Variants in SPOCK3 observed in about 807,000 individuals in gnomAD.
SPOCK3 encodes the protein testican-3.
Under a neutral mutation model 56.6 loss-of-function variants are expected in SPOCK3, and 30 were observed. The observed-to-expected ratio is 0.53, with a 90% CI of 0.40 to 0.72. The LOEUF (loss-of-function observed/expected upper bound fraction) is 0.72, where lower values mean the gene tolerates loss of function less well. Among genes scored for constraint, SPOCK3 ranks in the 30% least tolerant of loss-of-function variants. The pLI is 0.00. For synonymous variants in SPOCK3, 196 were observed against 183.3 expected (o/e 1.07, Z -0.56); for missense variants, 527 against 530.0 (o/e 0.99, Z 0.06).
chr4:166,870,667 A>C (rs1205500935), intron 6 of SPOCK3, among the ~76,000 whole-genome samples: 1 of 152,108 alleles, frequency 6.6e-6, no homozygotes, highest in African/African-American at 2.4e-5. Context: ...TGAAAATACA[A>C]CTCATAAAAA....
chr4:167,196,935 T>C (rs1010373101), intron 2 of SPOCK3, among the ~76,000 whole-genome samples: 1 of 152,162 alleles, frequency 6.6e-6, no homozygotes, highest in Admixed American at 6.6e-5. Context: ...ATTTTTGCCA[T>C]ATAACATTAT....
intron 2 of SPOCK3, among the ~76,000 whole-genome samples, chr4:167,139,951 A>T (rs996010508): frequency 6.6e-6 from 1 of 151,894 alleles, no homozygotes; most frequent in Non-Finnish European, 1.5e-5. Flanking sequence ...ACCAAGAAGT[A>T]GGCAGCCCCT....
intron 3 of SPOCK3, among the ~76,000 whole-genome samples, chr4:167,033,947 C>T (rs7668212): frequency 0.36 from 54,940 of 151,812 alleles, 12,316 homozygotes; most frequent in African/African-American, 0.64. Flanking sequence ...TTTTACTAAG[C>T]AAATTAGCAA....
Position 166,766,142 on chromosome 4 carries a change from A to T in SPOCK3, c.710-11413T>A, listed in dbSNP as rs187786777. Among the ~76,000 whole-genome samples the T allele has an allele frequency of 4.5e-3, 679 of 152,288 alleles. 4 individuals are homozygous for T. Among genetic ancestry groups the T allele is most frequent in the African/African-American group, 0.016 (644 of 41,544 alleles). On this transcript the variant is annotated intron_variant, in intron 7 of 10. Transcript: ENST00000357545. ...ATCATGTCATCTGCAAACAGGGACA[A>T]TTTGACTTCCTATTTTCCTAATTGA...
intron 2 of SPOCK3, among the ~76,000 whole-genome samples, chr4:167,125,877 T>C (rs1762236173): frequency 6.6e-6 from 1 of 152,152 alleles, no homozygotes; most frequent in Non-Finnish European, 1.5e-5. Flanking sequence ...TTTCATGTTC[T>C]AAGATGATCC....
chr4:167,205,429 TA>T (rs1316510964), intron 2 of SPOCK3, among the ~76,000 whole-genome samples: 1 of 49,830 alleles, frequency 2.0e-5, no homozygotes, highest in Non-Finnish European at 3.4e-5. Flanking sequence ...ATATAATATA[TA>T]ATATATAATA....
chr4:167,038,923 T>G (rs1753004825), intron 3 of SPOCK3, among the ~76,000 whole-genome samples: 1 of 152,278 alleles, frequency 6.6e-6, no homozygotes, highest in South Asian at 2.1e-4. Flanking sequence ...ATTATTTTAA[T>G]AAGATTAATT....
At position 167,189,474 on chromosome 4, in the gene SPOCK3, ATTT is replaced by A. The variant is rs546629790; in HGVS notation, c.189+44508_189+44510del. ...TTCATCAGTCCAAAAAAAATTTATT[ATTT>A]TTTTCCAGCTTTATTGAGGTACAAT... On this transcript the variant is annotated intron_variant, in intron 2 of 10. Transcript: ENST00000357545. 2.1e-4 allele frequency among the ~76,000 whole-genome samples: 31 copies of A among 145,634 alleles called. 2 individuals carry two copies. The highest frequency in any genetic ancestry group is 6.9e-3 in the Middle Eastern group (2 of 288).
intron 3 of SPOCK3, among the ~76,000 whole-genome samples, chr4:167,003,876 G>A (rs1022550555): frequency 5.9e-5 from 9 of 152,032 alleles, no homozygotes; most frequent in African/African-American, 2.2e-4. Context: ...CATTACATTC[G>A]CAGTGTAGGA....
At chr4:166,869,473 A>G (rs1030867553) in intron 6 of SPOCK3, among the ~76,000 whole-genome samples, 17 of 152,192 alleles carry the variant, frequency 1.1e-4, no homozygotes, top group African/African-American at 2.9e-4. Context: ...AACATCTACA[A>G]TATTTATATG....
chr4:166,785,714 C>T (rs1406846387), intron 7 of SPOCK3, among the ~76,000 whole-genome samples: 1 of 152,006 alleles, frequency 6.6e-6, no homozygotes, highest in Non-Finnish European at 1.5e-5. Flanking sequence ...AATATCTTTC[C>T]ATTTAAATTT....
intron 2 of SPOCK3, among the ~76,000 whole-genome samples, chr4:167,087,186 A>T (rs1336960452): frequency 6.6e-6 from 1 of 152,274 alleles, no homozygotes; most frequent in Non-Finnish European, 1.5e-5. Flanking sequence ...TCATAACTCT[A>T]TGAGGTACAG....
At chr4:166,971,411 C>A (rs896178433) in intron 4 of SPOCK3, among the ~76,000 whole-genome samples, 1 of 150,922 alleles carries the variant, frequency 6.6e-6, no homozygotes, top group African/African-American at 2.4e-5. Flanking sequence ...TAAGAGGATT[C>A]GAAGATTACT....
At chr4:166,938,284 G>A (rs999848722) in intron 4 of SPOCK3, among the ~76,000 whole-genome samples, 8 of 152,140 alleles carry the variant, frequency 5.3e-5, no homozygotes, top group South Asian at 2.1e-4. Context: ...TGTAAAAACC[G>A]CTTGGGAAGA....
In SPOCK3 at chr4:166,817,933, CT is replaced by C. The variant is rs550345048; in HGVS notation, c.590-25645del. Among the ~76,000 whole-genome samples, 363 of 152,018 alleles carry C rather than the reference CT, an allele frequency of 2.4e-3. 2 individuals are homozygous for C. Among genetic ancestry groups the C allele is most frequent in the Non-Finnish European group, 4.0e-3 (272 of 67,956 alleles). Reference sequence around the variant, plus strand: ...AATGTGTCTGGTCTTGTTCTTAACTCTTTAAAATTACCAACTTTTAAAAATA... The same window carrying C: ...AATGTGTCTGGTCTTGTTCTTAACTCTTAAAATTACCAACTTTTAAAAATA... On this transcript the variant is annotated intron_variant, in intron 6 of 10. Coordinates refer to ENST00000357545, the MANE Select transcript of SPOCK3 (RefSeq NM_001040159.2).
chr4:166,783,409 T>G (rs1740394984), intron 7 of SPOCK3, among the ~76,000 whole-genome samples: 1 of 152,058 alleles, frequency 6.6e-6, no homozygotes, highest in Non-Finnish European at 1.5e-5. Context: ...CTGCTAACAT[T>G]TTCTACCTCA....
At chr4:166,929,311 A>G (rs1187242197) in intron 4 of SPOCK3, among the ~76,000 whole-genome samples, 2 of 152,224 alleles carry the variant, frequency 1.3e-5, no homozygotes, top group Non-Finnish European at 2.9e-5. Flanking sequence ...TTCCCACTGC[A>G]GAAGTGAGTA....
chr4:167,016,830 A>C (rs974128399), intron 3 of SPOCK3, among the ~76,000 whole-genome samples: 2 of 152,134 alleles, frequency 1.3e-5, no homozygotes, highest in Admixed American at 1.3e-4. Context: ...GGTGTGAGCC[A>C]CGGCTGAACT....
At chr4:166,907,661 C>A (rs1313778895) in intron 5 of SPOCK3, among the ~76,000 whole-genome samples, 2 of 152,102 alleles carry the variant, frequency 1.3e-5, no homozygotes, top group Non-Finnish European at 2.9e-5. Context: ...AATTAGAACA[C>A]TCCTCAAATA....
Sources: allele counts gnomAD v4.1 joint callset (sites outside exome capture counted in the v4.1 genomes callset), GRCh38; gene constraint gnomAD v4.1.1; transcripts MANE v1.5; gene names NCBI Gene and HGNC (gene_info 2026-07-23, HGNC 2026-07-21).